PIK3R6: variants seen among roughly 807,000 people sequenced by gnomAD.
The protein encoded by PIK3R6 is phosphoinositide-3-kinase regulatory subunit 6.
In PIK3R6, 91 loss-of-function variants were observed where a neutral mutation model predicts 84.9. The observed-to-expected ratio is 1.07, with a 90% CI of 0.90 to 1.28. The LOEUF (loss-of-function observed/expected upper bound fraction) is 1.28. Ranked by LOEUF, PIK3R6 falls within the 50% of genes most tolerant of loss-of-function variation. The pLI, the probability that PIK3R6 is intolerant of heterozygous loss-of-function variation, is 0.00. For missense variants in PIK3R6, 996 were observed against 985.1 expected (o/e 1.01, Z -0.15); for synonymous variants, 416 against 411.4 (o/e 1.01, Z -0.13).
Position 8,803,263 on chromosome 17 carries a change from C to T in PIK3R6, c.*10G>A, listed in dbSNP as rs1216007515. The T allele has an allele frequency of 1.9e-6, 3 of 1,611,756 alleles. No homozygotes were observed. The highest frequency in any genetic ancestry group is 1.3e-5 in the African/African-American group (1 of 74,796). On this transcript the variant is annotated 3_prime_UTR_variant, in exon 20 of 20. Transcript: ENST00000619866. This position sits in a 1 kb window ranked among gnomAD's most constrained non-coding sequence, Gnocchi z 5.0. ...GTATCCTTCCTCCTGGGCCTGCTGT[C>T]CCTGCAGGCTCACTGGACAATACCA...
chr17:8,849,995 A>T (rs998232980), intron 1 of PIK3R6, 110 bp from the exon 2 acceptor site: 18 of 527,638 alleles, frequency 3.4e-5, no homozygotes, highest in East Asian at 6.6e-5. Flanking sequence ...ACTGGGGGGA[A>T]GTCTAGATGT....
intron 1 of PIK3R6, among the ~76,000 whole-genome samples, chr17:8,856,931 TA>T (rs2089155021): frequency 1.5e-5 from 1 of 67,420 alleles, no homozygotes; most frequent in Non-Finnish European, 3.0e-5. Context: ...CCAGTCAATT[TA>T]AGAACGTTGT....
intron 10 of PIK3R6, among the ~76,000 whole-genome samples, chr17:8,829,192 T>TAGAC (rs1555532933): frequency 1.4e-5 from 2 of 146,334 alleles, no homozygotes; most frequent in African/African-American, 5.3e-5. Flanking sequence ...CAGACAGACA[T>TAGAC]ACACACACGT....
At chr17:8,811,004 C>G (rs149767700) in intron 18 of PIK3R6, among the ~76,000 whole-genome samples, 2,003 of 149,142 alleles carry the variant, frequency 0.013, 257 homozygotes, top group African/African-American at 0.047. Context: ...CTGCACTGCC[C>G]TAGCAGAGGT....
At chr17:8,811,506 C>T (rs1274858197) in intron 18 of PIK3R6, among the ~76,000 whole-genome samples, 2 of 148,400 alleles carry the variant, frequency 1.3e-5, no homozygotes, top group African/African-American at 5.0e-5. Flanking sequence ...TGCAAATTTT[C>T]CAAACTCTTA....
At chr17:8,840,532 G>T (rs1022281088) in intron 2 of PIK3R6, among the ~76,000 whole-genome samples, 2 of 142,676 alleles carry the variant, frequency 1.4e-5, no homozygotes, top group African/African-American at 5.2e-5. Context: ...TATATATATG[G>T]CCTCCAAATA....
chr17:8,856,079 C>T (rs142086654), intron 1 of PIK3R6, among the ~76,000 whole-genome samples: 113 of 152,252 alleles, frequency 7.4e-4, no homozygotes, highest in Non-Finnish European at 1.3e-3. Context: ...TCCTGCATGC[C>T]GTATGGTTCC....
intron 4 of PIK3R6, chr17:8,838,221 T>C (rs1439589713): frequency 4.5e-6 from 2 of 443,464 alleles, no homozygotes; most frequent in Non-Finnish European, 8.2e-6. Flanking sequence ...CATTGGGTAG[T>C]GTGAAGGAGA....
intron 3 of PIK3R6, 25 bp from the exon 4 acceptor site, chr17:8,838,680 G>A (rs747182752): frequency 1.5e-5 from 24 of 1,562,734 alleles, no homozygotes; most frequent in African/African-American, 8.1e-5. Context: ...AGGGGAGCCC[G>A]GCATGAGCAG....
At chr17:8,849,000 C>T (rs1050036044) in intron 2 of PIK3R6, among the ~76,000 whole-genome samples, 4 of 152,084 alleles carry the variant, frequency 2.6e-5, no homozygotes, top group African/African-American at 4.8e-5. Flanking sequence ...TTTGACTTTC[C>T]GGGTGACCAA....
intron 1 of PIK3R6, among the ~76,000 whole-genome samples, chr17:8,851,187 A>AC (rs562679607): frequency 1.8e-3 from 266 of 151,828 alleles, no homozygotes; most frequent in African/African-American, 6.1e-3. Flanking sequence ...ATACAGAAAA[A>AC]AAAAACAAAA....
At chr17:8,849,256 C>T (rs1024427305) in intron 2 of PIK3R6, among the ~76,000 whole-genome samples, 5 of 152,220 alleles carry the variant, frequency 3.3e-5, no homozygotes, top group African/African-American at 1.2e-4. Flanking sequence ...TTTTGCGAAG[C>T]AATCCATACT....
At position 8,829,614 on chromosome 17, in the gene PIK3R6, A is replaced by C; in HGVS notation, c.889+92T>G. 4.0e-6 allele frequency: 5 copies of C among 1,264,834 alleles called. No individual in the cohort carries two copies. In the South Asian group the frequency reaches 5.3e-5, roughly 13 times the overall value. The allele number at this position is 1,264,834 out of a possible 1,614,324, so 78.4% of individuals were successfully genotyped here. ...CACACTCATGCATACACACACTGAC[A>C]CACGCATGCACACTGACACACACTC... On this transcript the variant is annotated intron_variant, in intron 10 of 19. Coordinates refer to ENST00000619866, the MANE Select transcript of PIK3R6 (RefSeq NM_001010855.4).
intron 1 of PIK3R6, among the ~76,000 whole-genome samples, chr17:8,866,214 G>T (rs2089407602): frequency 6.6e-6 from 1 of 152,132 alleles, no homozygotes. Context: ...TAAATGAGAT[G>T]ATATTTGAAA....
At chr17:8,854,824 C>T (rs1156308712) in intron 1 of PIK3R6, among the ~76,000 whole-genome samples, 2 of 152,132 alleles carry the variant, frequency 1.3e-5, no homozygotes, top group Non-Finnish European at 2.9e-5. Context: ...AAGCATGATC[C>T]ATAAGAGGAA....
At position 8,821,860 on chromosome 17, in the gene PIK3R6, G is replaced by T; in HGVS notation, c.1865C>A (p.Ala622Asp). The change falls in exon 17 of 20, where the codon GCC becomes GAC. Residue 622 changes from alanine (A) to aspartate (D), a missense_variant. Ala to Asp is a moderately radical substitution (Grantham distance 126). Coordinates refer to ENST00000619866, the MANE Select transcript of PIK3R6 (RefSeq NM_001010855.4). ...ATGLILKAIP[A>D]SDTEVSGSSH... ...CCATTCCTCACCTTCTGTGTCGCTG[G>T]CTGGAATGGCCTTCAGGATCAGCCC... is the stretch of plus-strand genomic sequence containing the variant. The T allele has an allele frequency of 6.3e-7, 1 of 1,595,704 alleles. No individual in the cohort carries two copies. Among genetic ancestry groups the T allele is most frequent in the East Asian group, 2.3e-5 (1 of 44,200 alleles).
At chr17:8,810,125 T>C (rs1293577939) in intron 18 of PIK3R6, among the ~76,000 whole-genome samples, 1 of 150,106 alleles carries the variant, frequency 6.7e-6, no homozygotes, top group Non-Finnish European at 1.5e-5. Context: ...CAGTTCCACA[T>C]GGCTGGGGAG....
At chr17:8,860,293 G>C (rs549094765) in intron 1 of PIK3R6, among the ~76,000 whole-genome samples, 3 of 152,010 alleles carry the variant, frequency 2.0e-5, no homozygotes, top group Non-Finnish European at 1.5e-5. Context: ...CTGGGGCGGG[G>C]GGCGGTGTGG....
intron 8 of PIK3R6, among the ~76,000 whole-genome samples, chr17:8,833,565 G>A (rs1486128540): frequency 1.5e-5 from 2 of 136,680 alleles, no homozygotes; most frequent in Non-Finnish European, 3.1e-5. Flanking sequence ...TTTTTGAGAC[G>A]GAGTCTTGCT....
Sources: gnomAD v4.1 joint callset for allele counts (sites outside exome capture counted in the v4.1 genomes callset) on GRCh38, gnomAD v4.1.1 for gene constraint, Gnocchi (gnomAD v3.1) non-coding constraint, MANE v1.5 for transcripts, NCBI Gene and HGNC (gene_info 2026-07-23, HGNC 2026-07-21) for gene names.